Variants in PKP4 observed in about 807,000 individuals in gnomAD.
PKP4 encodes the protein plakophilin 4.
A neutral mutation model predicts 145.1 loss-of-function variants in PKP4; 90 were observed. The ratio of observed to expected loss-of-function variants is 0.62; its 90% CI spans 0.52 to 0.74. The LOEUF (loss-of-function observed/expected upper bound fraction) is 0.74. PKP4 is among the 30% of genes least tolerant of loss of function. PKP4 has a pLI of 0.00. For missense variants in PKP4, 1,340 were observed against 1,482.7 expected, an observed-to-expected ratio of 0.90 and a Z score of 1.58; for synonymous variants, 563 against 577.2, an observed-to-expected ratio of 0.98 and a Z score of 0.35.
intron 1 of PKP4, 90 bp from the exon 2 acceptor site, chr2:158,533,090 T>C (rs2043717281): frequency 1.5e-6 from 2 of 1,329,814 alleles, no homozygotes; most frequent in Middle Eastern, 2.7e-4. Flanking sequence ...GACTGTAGTC[T>C]ACTGTAGTTG....
At chr2:158,522,423 T>G (rs534526341) in intron 1 of PKP4, among the ~76,000 whole-genome samples, 34 of 150,712 alleles carry the variant, frequency 2.3e-4, no homozygotes, top group African/African-American at 8.3e-4. Context: ...TAATCACTGA[T>G]AGTTGAATAT....
At chr2:158,599,118 A>G (rs2050018388) in intron 3 of PKP4, among the ~76,000 whole-genome samples, 1 of 152,218 alleles carries the variant, frequency 6.6e-6, no homozygotes, top group African/African-American at 2.4e-5. Flanking sequence ...GTTGTGCATT[A>G]GCAGCAGAAG....
At chr2:158,651,913 C>T (rs1430009233) in intron 11 of PKP4, among the ~76,000 whole-genome samples, 2 of 152,072 alleles carry the variant, frequency 1.3e-5, no homozygotes, top group Non-Finnish European at 2.9e-5. Flanking sequence ...GCTCTTCCTG[C>T]CCTTTGTCAC....
chr2:158,563,450 A>G (rs2105744105), intron 2 of PKP4, among the ~76,000 whole-genome samples: 1 of 152,278 alleles, frequency 6.6e-6, no homozygotes, highest in East Asian at 1.9e-4. Flanking sequence ...TGTCTTTTTA[A>G]AAACAACTGC....
At chr2:158,568,951 C>T (rs976830549) in intron 2 of PKP4, among the ~76,000 whole-genome samples, 14 of 152,174 alleles carry the variant, frequency 9.2e-5, no homozygotes, top group South Asian at 4.2e-4. Flanking sequence ...CCAGCCTGGG[C>T]GACAGAGTGA....
At chr2:158,556,781 A>G (rs1488353550) in intron 2 of PKP4, among the ~76,000 whole-genome samples, 4 of 152,192 alleles carry the variant, frequency 2.6e-5, no homozygotes, top group Non-Finnish European at 5.9e-5. Context: ...CTGCCATTGT[A>G]TTTAGATAAT....
chr2:158,495,765 C>T (rs1006524452), intron 1 of PKP4, among the ~76,000 whole-genome samples: 24 of 151,210 alleles, frequency 1.6e-4, no homozygotes, highest in African/African-American at 5.6e-4. Context: ...ACCCAGGAGG[C>T]GGAGGTTGCA....
chr2:158,674,679 G>T (rs1211349905), intron 19 of PKP4, among the ~76,000 whole-genome samples: 1 of 152,184 alleles, frequency 6.6e-6, no homozygotes. Flanking sequence ...TTGAGATTCA[G>T]ACTTAATTTT....
At chr2:158,561,681 C>T (rs1338034844) in intron 2 of PKP4, among the ~76,000 whole-genome samples, 2 of 152,194 alleles carry the variant, frequency 1.3e-5, no homozygotes, top group Non-Finnish European at 2.9e-5. Flanking sequence ...CATGAGTGCT[C>T]GTCGCACTTT....
chr2:158,507,304 G>A (rs2041077976), intron 1 of PKP4, among the ~76,000 whole-genome samples: 1 of 152,214 alleles, frequency 6.6e-6, no homozygotes, highest in Non-Finnish European at 1.5e-5. Context: ...AAGGTATGAA[G>A]ATGAGTTTAT....
At chr2:158,540,941 C>T (rs1199213488) in intron 2 of PKP4, among the ~76,000 whole-genome samples, 3 of 152,028 alleles carry the variant, frequency 2.0e-5, no homozygotes, top group African/African-American at 7.2e-5. Flanking sequence ...GTTTACAATT[C>T]TTTTCAGAGT....
At chr2:158,496,759 C>CGTGT (rs58108158) in intron 1 of PKP4, among the ~76,000 whole-genome samples, 3,819 of 144,916 alleles carry the variant, frequency 0.026, 73 homozygotes, top group Non-Finnish European at 0.031. Flanking sequence ...CTTCTCTCTC[C>CGTGT]GTGTGTGTGT....
rs2057001631 is a variant in PKP4 at position 158,665,527 on chromosome 2, C to G, written c.2578-886C>G. On this transcript the variant is annotated intron_variant, in intron 15 of 21. Transcript: ENST00000389759. ...TAGATCTCTGTCCTACTGTCTTGGTCACAGCAGGAAAGTATATGTTTTATG... is the reference window on the plus strand; with the variant it reads ...TAGATCTCTGTCCTACTGTCTTGGTGACAGCAGGAAAGTATATGTTTTATG... Among the ~76,000 whole-genome samples, 3 of 151,934 alleles carry G rather than the reference C, an allele frequency of 2.0e-5. No individual in the cohort carries two copies. In the South Asian group the frequency reaches 6.2e-4, roughly 32 times the overall value.
rs1174255506 is a variant in PKP4, at chr2:158,472,692, G to C, written c.-6+15474G>C. Among the ~76,000 whole-genome samples, 7 of 151,116 alleles carry C rather than the reference G, an allele frequency of 4.6e-5. 1 individual carries two copies. Among genetic ancestry groups the C allele is most frequent in the Admixed American group, 4.6e-4 (7 of 15,192 alleles). ...GTTTTTATGTCTTTTCAACCAAATTGGGTCAGATAGAGAAAAGGAAAAGAT... is the reference window on the plus strand; with the variant it reads ...GTTTTTATGTCTTTTCAACCAAATTCGGTCAGATAGAGAAAAGGAAAAGAT... On this transcript the variant is annotated intron_variant, in intron 1 of 21. Transcript: ENST00000389759.
At chr2:158,470,296 C>T (rs1691345703) in intron 1 of PKP4, among the ~76,000 whole-genome samples, 1 of 152,174 alleles carries the variant, frequency 6.6e-6, no homozygotes, top group South Asian at 2.1e-4. Context: ...ATCATATTCA[C>T]ATTCCCCAGC....
chr2:158,606,963 G>A (rs1049762881), intron 4 of PKP4, among the ~76,000 whole-genome samples: 1 of 151,962 alleles, frequency 6.6e-6, no homozygotes, highest in Non-Finnish European at 1.5e-5. Context: ...CTCTAGTATC[G>A]GACATTCAGA....
chr2:158,515,826 G>T (rs1400562632), intron 1 of PKP4, among the ~76,000 whole-genome samples: 1 of 152,112 alleles, frequency 6.6e-6, no homozygotes, highest in Non-Finnish European at 1.5e-5. Context: ...TGGGAAGATT[G>T]CTTGAGGCCA....
intron 4 of PKP4, among the ~76,000 whole-genome samples, chr2:158,607,029 A>G (rs891731006): frequency 6.6e-6 from 1 of 152,152 alleles, no homozygotes; most frequent in Admixed American, 6.5e-5. Context: ...CCCTATATAT[A>G]AAATTGTATT....
At chr2:158,461,364 T>A (rs1392730968) in intron 1 of PKP4, among the ~76,000 whole-genome samples, 1 of 152,232 alleles carries the variant, frequency 6.6e-6, no homozygotes, top group East Asian at 1.9e-4. Context: ...CAATAAATGT[T>A]GGCTATATCA....
Sources: allele counts gnomAD v4.1 joint callset (sites outside exome capture counted in the v4.1 genomes callset), GRCh38; gene constraint gnomAD v4.1.1; transcripts MANE v1.5; gene names NCBI Gene and HGNC (gene_info 2026-07-23, HGNC 2026-07-21).